NRG1: variants seen among roughly 807,000 people sequenced by gnomAD.
NRG1 encodes the protein pro-neuregulin-1, membrane-bound isoform.
Under a neutral mutation model 63.8 loss-of-function variants are expected in NRG1, and 18 were observed. The ratio of observed to expected loss-of-function variants is 0.28; its 90% CI spans 0.19 to 0.42. The LOEUF (loss-of-function observed/expected upper bound fraction) is 0.42, where lower values mean the gene tolerates loss of function less well. NRG1 is among the 10% of genes least tolerant of loss of function. The pLI is 1.00. For synonymous variants in NRG1, 302 were observed against 301.3 expected (o/e 1.00, Z -0.02); for missense variants, 762 against 814.7 (o/e 0.94, Z 0.79).
chr8:32,540,147 C>G (rs1832430790), intron 1 of NRG1, among the ~76,000 whole-genome samples: 1 of 151,900 alleles, frequency 6.6e-6, no homozygotes, highest in Admixed American at 6.6e-5. Context: ...TTGGGGTAAC[C>G]CAGCAGTAGA....
intron 5 of NRG1, among the ~76,000 whole-genome samples, chr8:32,626,552 T>C (rs1849315996): frequency 6.6e-6 from 1 of 151,910 alleles, no homozygotes; most frequent in Non-Finnish European, 1.5e-5. Flanking sequence ...TGGTGGCGGT[T>C]GCCTGTAGTC....
downstream of NRG1, among the ~76,000 whole-genome samples, chr8:32,771,715 A>AT (rs1554673081): frequency 5.8e-4 from 65 of 111,846 alleles, no homozygotes; most frequent in East Asian, 3.2e-3. Flanking sequence ...TTAAAAAAAA[A>AT]ATATATATAT....
chr8:32,752,153 A>G (rs1010139681), intron 7 of NRG1, among the ~76,000 whole-genome samples: 2 of 152,124 alleles, frequency 1.3e-5, no homozygotes, highest in Non-Finnish European at 2.9e-5. Flanking sequence ...CCAACTCATC[A>G]CAGCCCAGGG....
At chr8:32,014,559 T>C (rs1008876845) in intron 1 of NRG1, among the ~76,000 whole-genome samples, 5 of 151,956 alleles carry the variant, frequency 3.3e-5, no homozygotes, top group Admixed American at 2.6e-4. Flanking sequence ...AACAGAAGAA[T>C]ACCCAAGCTG....
intron 1 of NRG1, among the ~76,000 whole-genome samples, chr8:32,027,060 T>C (rs1817492914): frequency 6.6e-6 from 1 of 152,166 alleles, no homozygotes; most frequent in African/African-American, 2.4e-5. Flanking sequence ...TACTCTCCTT[T>C]ATCATCTAAT....
intron 1 of NRG1, among the ~76,000 whole-genome samples, chr8:31,899,281 C>T (rs377312764): frequency 0.012 from 1,827 of 150,848 alleles, 43 homozygotes; most frequent in African/African-American, 0.042. Context: ...TTTATTCTTT[C>T]TTTTTTTTTG....
intron 1 of NRG1, among the ~76,000 whole-genome samples, chr8:31,802,214 TA>T (rs1261938187): frequency 7.9e-5 from 12 of 152,240 alleles, no homozygotes; most frequent in African/African-American, 2.9e-4. Context: ...TTTTTAAAGT[TA>T]ATTATATACT....
intron 1 of NRG1, among the ~76,000 whole-genome samples, chr8:31,884,850 G>A (rs1830603018): frequency 6.6e-6 from 1 of 151,906 alleles, no homozygotes; most frequent in East Asian, 1.9e-4. Context: ...ACCAAAAGTA[G>A]GAATTAGAAC....
intron 1 of NRG1, among the ~76,000 whole-genome samples, chr8:31,834,303 G>GCA (rs1164361651): frequency 0.013 from 205 of 15,270 alleles, no homozygotes; most frequent in African/African-American, 0.02. Flanking sequence ...GTGCGCGCAC[G>GCA]CGCGCACACA....
Position 32,084,625 on chromosome 8 carries a change from T to C in NRG1, c.37+445194T>C, listed in dbSNP as rs560409741. 3.5e-4 allele frequency among the ~76,000 whole-genome samples: 53 copies of C among 152,314 alleles called. No homozygotes were observed. In the South Asian group the frequency reaches 0.01, roughly 30 times the overall value. On this transcript the variant is annotated intron_variant, in intron 1 of 10. Transcript: ENST00000519301. ...GATGTTTTGTTTTGAAACTTTGTGA[T>C]AGGTAAGATCCACTAATGTTTGTAA...
intron 1 of NRG1, among the ~76,000 whole-genome samples, chr8:32,246,211 A>G (rs1231615614): frequency 6.6e-6 from 1 of 152,196 alleles, no homozygotes; most frequent in Non-Finnish European, 1.5e-5. Context: ...AGACTTCTGA[A>G]TTGTTATGAG....
chr8:31,690,597 T>G (rs761042384), intron 1 of NRG1, among the ~76,000 whole-genome samples: 1 of 152,074 alleles, frequency 6.6e-6, no homozygotes, highest in Non-Finnish European at 1.5e-5. Context: ...ATTTTTCTGG[T>G]GTGGATCAGG....
intron 1 of NRG1, among the ~76,000 whole-genome samples, chr8:31,861,685 C>T: frequency 6.6e-6 from 1 of 152,098 alleles, no homozygotes; most frequent in Non-Finnish European, 1.5e-5. Flanking sequence ...AAAATGAGGA[C>T]TTTGAGACCC....
chr8:32,079,180 C>CACAT (rs746570485), intron 1 of NRG1, among the ~76,000 whole-genome samples: 4 of 151,382 alleles, frequency 2.6e-5, no homozygotes, highest in Non-Finnish European at 4.4e-5. Context: ...CACACACACA[C>CACAT]ATACACGCAC....
intron 1 of NRG1, among the ~76,000 whole-genome samples, chr8:32,261,805 T>C (rs1349087199): frequency 6.6e-6 from 1 of 152,210 alleles, no homozygotes; most frequent in African/African-American, 2.4e-5. Context: ...AATATATGCA[T>C]GTAATACTTT....
rs137997662 is a variant in NRG1 at position 32,625,531 on chromosome 8, G to A, written c.502+8646G>A. Among the ~76,000 whole-genome samples the A allele has an allele frequency of 6.6e-3, 1,004 of 152,284 alleles. 12 individuals are homozygous for A. The highest frequency in any genetic ancestry group is 0.023 in the African/African-American group (947 of 41,556). On this transcript the variant is annotated intron_variant, in intron 5 of 11. Coordinates refer to ENST00000356819, the Ensembl canonical transcript of NRG1. ...AGCGAGAGAGAGAATGCCTGGCTTT[G>A]TGAAATGTTGCAGAAATTTGTATTT...
chr8:32,056,300 A>C (rs889671942), intron 1 of NRG1, among the ~76,000 whole-genome samples: 1 of 152,128 alleles, frequency 6.6e-6, no homozygotes, highest in African/African-American at 2.4e-5. Flanking sequence ...TAACATTCCC[A>C]CCTCTACCTG....
chr8:32,760,638 G>A, intron 11 of NRG1: 2 of 1,332,538 alleles, frequency 1.5e-6, no homozygotes, highest in Admixed American at 3.1e-5. Flanking sequence ...TTAAAGAGCT[G>A]GGATGCTTTG....
At chr8:32,618,748 C>T (rs28731104) in intron 5 of NRG1, among the ~76,000 whole-genome samples, 2,686 of 151,832 alleles carry the variant, frequency 0.018, 89 homozygotes, top group African/African-American at 0.059. Context: ...ACTAGTAACA[C>T]GATATATTAG....
Sources: allele counts gnomAD v4.1 joint callset (sites outside exome capture counted in the v4.1 genomes callset), GRCh38; gene constraint gnomAD v4.1.1; transcripts MANE v1.5; gene names NCBI Gene and HGNC (gene_info 2026-07-23, HGNC 2026-07-21).